SLC20A2: variants seen among roughly 807,000 people sequenced by gnomAD.
SLC20A2 encodes solute carrier family 20 member 2.
A neutral mutation model predicts 61.0 loss-of-function variants in SLC20A2; 30 were observed. That is an observed-to-expected ratio of 0.49 (90% CI 0.37 to 0.67). SLC20A2 has a LOEUF of 0.67. Among genes scored for constraint, SLC20A2 ranks in the 30% least tolerant of loss-of-function variants. SLC20A2 has a pLI of 0.00. For missense variants in SLC20A2, 626 were observed against 866.4 expected, an observed-to-expected ratio of 0.72 and a Z score of 3.48; for synonymous variants, 351 against 353.3, an observed-to-expected ratio of 0.99 and a Z score of 0.07.
intron 1 of SLC20A2, among the ~76,000 whole-genome samples, chr8:42,485,543 G>A (rs1808914137): frequency 6.7e-6 from 1 of 150,252 alleles, no homozygotes; most frequent in Non-Finnish European, 1.5e-5. Flanking sequence ...TCAGAAGGCT[G>A]AGGCAGGAGA....
At chr8:42,463,121 G>T in intron 3 of SLC20A2, 31 bp from the exon 4 acceptor site, 8 of 1,265,906 alleles carry the variant, frequency 6.3e-6, no homozygotes, top group South Asian at 1.3e-5. Context: ...TCTAATGAAT[G>T]TTAAAATTCA....
rs115166446 is a variant in SLC20A2, at chr8:42,529,073, C to G, written c.-265+12748G>C. Among the ~76,000 whole-genome samples the G allele has an allele frequency of 3.8e-3, 578 of 152,138 alleles. 2 individuals are homozygous for G. Among genetic ancestry groups the G allele is most frequent in the African/African-American group, 0.012 (493 of 41,500 alleles). ...CACCATAACCTCAAACTCTTTGGCT[C>G]AAGCAATCCTTCCACTTCACTTTCC... On this transcript the variant is annotated intron_variant, in intron 1 of 10. Transcript: ENST00000342228.
intron 1 of SLC20A2, among the ~76,000 whole-genome samples, chr8:42,521,997 T>A (rs2084708): frequency 0.093 from 11,241 of 121,092 alleles, 2,665 homozygotes; most frequent in South Asian, 0.17. Flanking sequence ...ACTACTTTTT[T>A]AACTTCCTGT....
At chr8:42,539,914 A>G (rs542407561) in intron 1 of SLC20A2, among the ~76,000 whole-genome samples, 14 of 152,366 alleles carry the variant, frequency 9.2e-5, no homozygotes, top group Admixed American at 7.2e-4. Flanking sequence ...CCATCTTCCA[A>G]CTTGAAAAAC....
chr8:42,453,863 G>T (rs1351801718), intron 5 of SLC20A2, among the ~76,000 whole-genome samples: 1 of 152,166 alleles, frequency 6.6e-6, no homozygotes. Flanking sequence ...GCAAGTTAAG[G>T]CCAAAAGACT....
At chr8:42,466,484 T>G (rs6999515) in intron 2 of SLC20A2, among the ~76,000 whole-genome samples, 25,843 of 152,058 alleles carry the variant, frequency 0.17, 6,208 homozygotes, top group African/African-American at 0.54. Context: ...CTGGGGTGAA[T>G]TTTGGCCAAA....
chr8:42,429,957 C>G (rs1269905360), intron 9 of SLC20A2, 107 bp downstream of exon 9: 3 of 922,678 alleles, frequency 3.3e-6, no homozygotes, highest in Non-Finnish European at 4.7e-6. Context: ...CCCTGTGACC[C>G]GCTGCCAACT....
In SLC20A2 at chr8:42,435,715, T is replaced by C. The variant is rs112588373; in HGVS notation, c.1523+1274A>G. ...TTGCAGGATGCCTGCGACATTACCA[T>C]GTGGAGTGACCTGCAGGCTCGGGCG... is the stretch of plus-strand genomic sequence containing the variant. On this transcript the variant is annotated intron_variant, in intron 8 of 10. Transcript: ENST00000520262. 7.6e-4 allele frequency among the ~76,000 whole-genome samples: 116 copies of C among 152,224 alleles called. 1 individual carries two copies. Among genetic ancestry groups the C allele is most frequent in the African/African-American group, 2.5e-3 (102 of 41,552 alleles).
At chr8:42,448,112 C>T (rs1234942787) in intron 5 of SLC20A2, among the ~76,000 whole-genome samples, 1 of 152,244 alleles carries the variant, frequency 6.6e-6, no homozygotes, top group South Asian at 2.1e-4. Context: ...GGTACCCGCT[C>T]TTTACCAACG....
At chr8:42,478,579 G>A (rs1808336337) in intron 1 of SLC20A2, among the ~76,000 whole-genome samples, 1 of 152,144 alleles carries the variant, frequency 6.6e-6, no homozygotes, top group South Asian at 2.1e-4. Context: ...AATCTAGGGT[G>A]TATTTACCCA....
intron 1 of SLC20A2, among the ~76,000 whole-genome samples, chr8:42,479,881 C>T (rs563768419): frequency 1.3e-5 from 2 of 152,076 alleles, no homozygotes; most frequent in African/African-American, 4.8e-5. Context: ...GTCAGATGCA[C>T]GACAACTCCA....
intron 10 of SLC20A2, among the ~76,000 whole-genome samples, chr8:42,423,210 T>C (rs887830825): frequency 2.6e-5 from 4 of 152,146 alleles, no homozygotes; most frequent in African/African-American, 9.7e-5. Flanking sequence ...CTTAATTCAA[T>C]TGTTACCTTA....
rs71548583 is a variant in SLC20A2 at position 42,455,257 on chromosome 8, T to TAGAGAG, written c.613+4633_613+4638dup. ...AAAAAAAAAAATATATATATATATATAGAGAGAGAGAGAGAGAGAGAGAGA... is the reference window on the plus strand; with the variant it reads ...AAAAAAAAAAATATATATATATATATAGAGAGAGAGAGAGAGAGAGAGAGAGAGAGA... On this transcript the variant is annotated intron_variant, in intron 5 of 10. Transcript: ENST00000520262. Among the ~76,000 whole-genome samples the TAGAGAG allele has an allele frequency of 5.6e-3, 456 of 81,588 alleles. 6 individuals are homozygous for TAGAGAG. The highest frequency in any genetic ancestry group is 0.015 in the African/African-American group (335 of 22,722). The allele number at this position is 81,588 out of a possible 152,430, so 53.5% of individuals were successfully genotyped here. A position where few individuals can be genotyped will look rare whatever the true frequency, so the allele number is the denominator to read the frequency against.
In SLC20A2 at chr8:42,472,007, A is replaced by T. The variant is rs374366801; in HGVS notation, c.289+95T>A. 8.5e-7 allele frequency: 1 copy of T among 1,181,766 alleles called. No homozygotes were observed. Among genetic ancestry groups the T allele is most frequent in the Admixed American group, 2.3e-5 (1 of 43,652 alleles). The allele number at this position is 1,181,766 out of a possible 1,614,324, so 73.2% of individuals were successfully genotyped here. A position where few individuals can be genotyped will look rare whatever the true frequency, so the allele number is the denominator to read the frequency against. On this transcript the variant is annotated intron_variant, in intron 2 of 10. Coordinates refer to ENST00000520262, the MANE Select transcript of SLC20A2 (RefSeq NM_001257180.2). This position sits in a 1 kb window ranked among gnomAD's most constrained non-coding sequence, Gnocchi z 4.1. ...ACATCCAACCAGTTTTTGAAAAGCC[A>T]AAGCAAAAATCACATTTATGGATAT...
chr8:42,532,347 C>T (rs1454136663), intron 1 of SLC20A2, among the ~76,000 whole-genome samples: 2 of 152,122 alleles, frequency 1.3e-5, no homozygotes, highest in Non-Finnish European at 2.9e-5. Context: ...CTTTCTCTTC[C>T]TGCCTTCCCC....
intron 1 of SLC20A2, among the ~76,000 whole-genome samples, chr8:42,539,180 C>T (rs976146379): frequency 6.6e-6 from 1 of 152,220 alleles, no homozygotes; most frequent in Non-Finnish European, 1.5e-5. Context: ...ATCTTTTCCT[C>T]TTCCCAAAGA....
chr8:42,502,379 C>G (rs1810380349), upstream of SLC20A2: 1 of 152,276 alleles, frequency 6.6e-6, no homozygotes, highest in Non-Finnish European at 1.5e-5. Context: ...CTACTTAACA[C>G]CCAGATGCCA....
intron 5 of SLC20A2, among the ~76,000 whole-genome samples, chr8:42,459,235 C>CAAAAAAAAAAAAAAAAA (rs756966778): frequency 5.5e-5 from 2 of 36,070 alleles, no homozygotes; most frequent in Non-Finnish European, 1.5e-4. Flanking sequence ...GACTCTATCT[C>CAAAAAAAAAAAAAAAAA]AAAAAAAAAA....
At chr8:42,455,244 AT>A (rs1467881372) in intron 5 of SLC20A2, among the ~76,000 whole-genome samples, 1 of 81,898 alleles carries the variant, frequency 1.2e-5, no homozygotes, top group Non-Finnish European at 2.6e-5. Context: ...AAAAAAAAAT[AT>A]ATATATATAT....
Sources: allele counts gnomAD v4.1 joint callset (sites outside exome capture counted in the v4.1 genomes callset), GRCh38; gene constraint gnomAD v4.1.1; non-coding constraint Gnocchi (gnomAD v3.1); transcripts MANE v1.5; gene names NCBI Gene and HGNC (gene_info 2026-07-23, HGNC 2026-07-21).